CADPS: variants seen among roughly 807,000 people sequenced by gnomAD.
CADPS encodes the protein calcium-dependent secretion activator 1.
Under a neutral mutation model 167.3 loss-of-function variants are expected in CADPS, and 57 were observed. The observed-to-expected ratio is 0.34, with a 90% confidence interval of 0.28 to 0.42. CADPS has a LOEUF of 0.42. Ranked by LOEUF, CADPS falls within the 20% of genes least tolerant of loss-of-function variation. The pLI, the probability that CADPS is intolerant of heterozygous loss-of-function variation, is 1.00. For missense variants in CADPS, 1,414 were observed against 1,738.1 expected (o/e 0.81, Z 3.32); for synonymous variants, 676 against 635.3 (o/e 1.06, Z -0.96).
At chr3:62,584,619 G>A (rs1315476414) in intron 8 of CADPS, among the ~76,000 whole-genome samples, 1 of 152,160 alleles carries the variant, frequency 6.6e-6, no homozygotes, top group Non-Finnish European at 1.5e-5. Flanking sequence ...GTCTTATTTG[G>A]CATCTTACCT....
chr3:62,587,062 T>C (rs552664819), intron 7 of CADPS, among the ~76,000 whole-genome samples: 102 of 152,336 alleles, frequency 6.7e-4, no homozygotes, highest in Non-Finnish European at 1.1e-3. Flanking sequence ...TCTGATTACA[T>C]TGGCATTGTT....
chr3:62,799,516 A>G (rs2093639602), intron 1 of CADPS, among the ~76,000 whole-genome samples: 1 of 152,134 alleles, frequency 6.6e-6, no homozygotes, highest in Admixed American at 6.6e-5. Flanking sequence ...GAATACATTC[A>G]GGTCTAAATA....
Position 62,571,504 on chromosome 3 carries a change from C to T in CADPS, c.1578-566G>A, listed in dbSNP as rs371491489. 4.9e-4 allele frequency among the ~76,000 whole-genome samples: 74 copies of T among 151,756 alleles called. No homozygotes were observed. In the Middle Eastern group the frequency reaches 0.01, roughly 22 times the overall value. On this transcript the variant is annotated intron_variant, in intron 8 of 29. Transcript: ENST00000383710. ...TTTTATACAGAAAAATAAAATAAAACGGAGGGTTGAGAACTACAGAGGCAG... is the reference window on the plus strand; with the variant it reads ...TTTTATACAGAAAAATAAAATAAAATGGAGGGTTGAGAACTACAGAGGCAG...
rs548227861 is a variant in CADPS, at chr3:62,778,905, T to A, written c.442-12921A>T. On this transcript the variant is annotated intron_variant, in intron 1 of 29. Coordinates refer to ENST00000383710, the MANE Select transcript of CADPS (RefSeq NM_003716.4). ...ATTTTTCTTTTCCAGAAAGAACATT[T>A]ACTTTTTTTTTTTTTAAGATGGAGT... Among the ~76,000 whole-genome samples the A allele has an allele frequency of 4.5e-5, 4 of 88,952 alleles. No homozygotes were observed. The South Asian group carries it at 1.7e-3, about 39-fold the overall frequency. The allele number at this position is 88,952 out of a possible 152,430, so 58.4% of individuals were successfully genotyped here. A position where few individuals can be genotyped will look rare whatever the true frequency, so the allele number is the denominator to read the frequency against.
intron 3 of CADPS, among the ~76,000 whole-genome samples, chr3:62,737,679 C>G (rs1041809503): frequency 5.9e-5 from 9 of 152,056 alleles, no homozygotes; most frequent in Non-Finnish European, 1.3e-4. Flanking sequence ...ACTTCCTTTC[C>G]GTTTCTGTTT....
chr3:62,453,640 C>T (rs1428095413), intron 26 of CADPS, among the ~76,000 whole-genome samples: 2 of 152,184 alleles, frequency 1.3e-5, no homozygotes, highest in African/African-American at 2.4e-5. Flanking sequence ...ACTGGGACTG[C>T]GTGTGCGGGT....
At chr3:62,613,350 C>T (rs1257639331) in intron 6 of CADPS, among the ~76,000 whole-genome samples, 1 of 152,012 alleles carries the variant, frequency 6.6e-6, no homozygotes, top group Non-Finnish European at 1.5e-5. Context: ...GGTGGTAATA[C>T]CTAAGCATTG....
chr3:62,467,526 T>C (rs189713594), intron 24 of CADPS, among the ~76,000 whole-genome samples: 173 of 152,262 alleles, frequency 1.1e-3, no homozygotes, highest in Middle Eastern at 3.4e-3. Flanking sequence ...ATTAGGTAAA[T>C]CCATTTAGAA....
At chr3:62,536,644 A>G (rs922802252) in intron 11 of CADPS, 63 bp from the exon 12 acceptor site, 1 of 1,522,652 alleles carries the variant, frequency 6.6e-7, no homozygotes, top group Non-Finnish European at 9.1e-7. Context: ...TTTCTTTGAC[A>G]TTTCAAATAC....
At chr3:62,518,370 T>C (rs1312175970) in intron 13 of CADPS, 120 bp from the exon 14 acceptor site, 2 of 704,954 alleles carry the variant, frequency 2.8e-6, no homozygotes, top group Admixed American at 5.7e-5. Context: ...CGATGTGAGC[T>C]CAGGAGAAGC....
intron 13 of CADPS, among the ~76,000 whole-genome samples, chr3:62,531,390 C>A (rs1332934746): frequency 2.6e-5 from 4 of 152,076 alleles, no homozygotes; most frequent in Admixed American, 6.6e-5. Flanking sequence ...GCTGGGCTAG[C>A]AAACCTCATA....
At chr3:62,850,933 A>G (rs2078430743) in intron 1 of CADPS, among the ~76,000 whole-genome samples, 1 of 151,256 alleles carries the variant, frequency 6.6e-6, no homozygotes, top group Non-Finnish European at 1.5e-5. Flanking sequence ...GTCACTCAGG[A>G]CTTGCTTTAT....
intron 13 of CADPS, among the ~76,000 whole-genome samples, chr3:62,525,679 A>ATGTGTGTGTGTGTGTT (rs2071920174): frequency 6.7e-6 from 1 of 148,804 alleles, no homozygotes; most frequent in Non-Finnish European, 1.5e-5. Flanking sequence ...TAATGTCATT[A>ATGTGTGTGTGTGTGTT]TGTGTGTGTG....
intron 3 of CADPS, among the ~76,000 whole-genome samples, chr3:62,746,987 G>A (rs1369484542): frequency 1.3e-5 from 2 of 152,142 alleles, no homozygotes; most frequent in African/African-American, 4.8e-5. Flanking sequence ...ATCTAAGCAG[G>A]ACAACTATAA....
At chr3:62,488,143 T>C (rs1004852689) in intron 21 of CADPS, among the ~76,000 whole-genome samples, 1 of 152,216 alleles carries the variant, frequency 6.6e-6, no homozygotes, top group African/African-American at 2.4e-5. Flanking sequence ...TTACCTAAGT[T>C]AGTTTCTTGT....
At chr3:62,824,200 A>G (rs988303014) in intron 1 of CADPS, among the ~76,000 whole-genome samples, 1 of 152,006 alleles carries the variant, frequency 6.6e-6, no homozygotes, top group Non-Finnish European at 1.5e-5. Flanking sequence ...GAAAGAAAGA[A>G]AGAAAAAGAA....
chr3:62,486,806 C>T (rs2062890819), intron 21 of CADPS, among the ~76,000 whole-genome samples: 1 of 152,200 alleles, frequency 6.6e-6, no homozygotes, highest in Admixed American at 6.5e-5. Context: ...CAGGGCTTTC[C>T]CACAGGCAGT....
intron 1 of CADPS, among the ~76,000 whole-genome samples, chr3:62,845,153 CAGA>C (rs2077208131): frequency 6.6e-6 from 1 of 152,122 alleles, no homozygotes; most frequent in African/African-American, 2.4e-5. Flanking sequence ...CTTTTCATCT[CAGA>C]AGGACATATC....
rs1159956710 is a variant in CADPS at position 62,874,744 on chromosome 3, C to G, written c.286G>C (p.Val96Leu). ...TCTTCCTTCTCCTTCTCGCTCACCA[C>G]CGACGGGCTGGGGCTGGAGGGCCGG... ...GGRPSSPSPSVVSEKEKEELE... is the reference protein window; with the variant it reads ...GGRPSSPSPSLVSEKEKEELE... Residue 96 changes from valine to leucine, a missense_variant, in exon 1 of 30, where the codon GTG becomes CTG. Physicochemically the swap from Val to Leu is conservative, Grantham distance 32 (BLOSUM62 1). Around this residue, in one of 6 missense-constraint regions of CADPS, gnomAD observed 522 missense variants for 559.5 expected, o/e 0.93. Coordinates refer to ENST00000383710, the MANE Select transcript of CADPS (RefSeq NM_003716.4). This position sits in a 1 kb window ranked among gnomAD's most constrained non-coding sequence, Gnocchi z 7.1. 1 of 1,513,994 alleles carries G rather than the reference C, an allele frequency of 6.6e-7. No individual in the cohort carries two copies. The highest frequency in any genetic ancestry group is 2.0e-5 in the Admixed American group (1 of 50,852). The allele number at this position is 1,513,994 out of a possible 1,614,324, so 93.8% of individuals were successfully genotyped here. A position where few individuals can be genotyped will look rare whatever the true frequency, so the allele number is the denominator to read the frequency against.
Sources: allele counts gnomAD v4.1 joint callset (sites outside exome capture counted in the v4.1 genomes callset), GRCh38; gene constraint gnomAD v4.1.1; regional missense constraint gnomAD v4.1.1; non-coding constraint Gnocchi (gnomAD v3.1); transcripts MANE v1.5; gene names NCBI Gene and HGNC (gene_info 2026-07-23, HGNC 2026-07-21).